JAKMIP2: variants seen among roughly 807,000 people sequenced by gnomAD.
The protein encoded by JAKMIP2 is janus kinase and microtubule interacting protein 2.
In JAKMIP2, 25 loss-of-function variants were observed where a neutral mutation model predicts 115.0. The observed-to-expected ratio is 0.22, with a 90% CI of 0.16 to 0.30. The LOEUF is 0.30. Among genes scored for constraint, JAKMIP2 ranks in the 10% least tolerant of loss-of-function variants. The pLI is 1.00. For synonymous variants in JAKMIP2, 334 were observed against 343.6 expected (o/e 0.97, Z 0.31); for missense variants, 642 against 957.6 (o/e 0.67, Z 4.35).
At position 147,644,160 on chromosome 5, in the gene JAKMIP2, T is replaced by G; in HGVS notation, c.1122A>C (p.Leu374Phe). Residue 374 changes from leucine to phenylalanine, a missense_variant, in exon 7 of 22, where the codon TTA (leucine) becomes TTC (phenylalanine). Transcript: ENST00000616793. Reference sequence around the variant, plus strand: ...CTTGGTCGAGGTCATTCAGAGATTTTAATTTCTTCAGGGGTGGATGGGATG... The same window carrying G: ...CTTGGTCGAGGTCATTCAGAGATTTGAATTTCTTCAGGGGTGGATGGGATG... ...KITSHPPLKK[L>F]KSLNDLDQAN... The G allele has an allele frequency of 6.2e-7, 1 of 1,604,826 alleles. No individual in the cohort carries two copies. Among genetic ancestry groups the G allele is most frequent in the Admixed American group, 1.7e-5 (1 of 59,886 alleles).
At chr5:147,655,206 C>T (rs1033232276) in intron 3 of JAKMIP2, among the ~76,000 whole-genome samples, 10 of 152,262 alleles carry the variant, frequency 6.6e-5, no homozygotes, top group Non-Finnish European at 1.3e-4. Context: ...CAGGATGATG[C>T]TGGCCCCATA....
At chr5:147,758,861 T>C (rs1434649993) in intron 1 of JAKMIP2, among the ~76,000 whole-genome samples, 1 of 152,162 alleles carries the variant, frequency 6.6e-6, no homozygotes, top group African/African-American at 2.4e-5. Flanking sequence ...ATGCAATTTA[T>C]TGAACTATGT....
intron 21 of JAKMIP2, among the ~76,000 whole-genome samples, chr5:147,601,292 A>T (rs1466759838): frequency 6.6e-6 from 1 of 152,174 alleles, no homozygotes. Context: ...TTTGTATTTT[A>T]AAAATATAGC....
intron 1 of JAKMIP2, among the ~76,000 whole-genome samples, chr5:147,736,984 G>C (rs79369491): frequency 0.013 from 1,905 of 152,146 alleles, 51 homozygotes; most frequent in African/African-American, 0.044. Context: ...TTACTGTAGG[G>C]CTGACTATCT....
intron 1 of JAKMIP2, among the ~76,000 whole-genome samples, chr5:147,736,457 C>G (rs2126982842): frequency 6.6e-6 from 1 of 152,052 alleles, no homozygotes; most frequent in South Asian, 2.1e-4. Context: ...GACTCTATCT[C>G]AAAAAATAAA....
At chr5:147,653,633 T>A (rs1162531981) in intron 3 of JAKMIP2, among the ~76,000 whole-genome samples, 1 of 152,186 alleles carries the variant, frequency 6.6e-6, no homozygotes, top group Non-Finnish European at 1.5e-5. Context: ...AAGGGTAGAT[T>A]GCAAAATTTT....
chr5:147,716,052 A>T (rs529135119), intron 1 of JAKMIP2, among the ~76,000 whole-genome samples: 17 of 137,088 alleles, frequency 1.2e-4, no homozygotes, highest in African/African-American at 4.5e-4. Context: ...TGTCCATGTG[A>T]TCTCATTGTT....
intron 19 of JAKMIP2, among the ~76,000 whole-genome samples, chr5:147,617,255 C>T (rs1434775818): frequency 1.3e-5 from 2 of 152,142 alleles, no homozygotes; most frequent in East Asian, 3.9e-4. Context: ...TTCAGCAGAC[C>T]TAGGCTGTCA....
intron 17 of JAKMIP2, among the ~76,000 whole-genome samples, chr5:147,622,445 C>T (rs1025156349): frequency 1.3e-5 from 2 of 152,178 alleles, no homozygotes; most frequent in Admixed American, 6.5e-5. Flanking sequence ...CAACCACAGT[C>T]TACTGTCTGT....
At chr5:147,770,882 A>G (rs1755325798) in intron 1 of JAKMIP2, among the ~76,000 whole-genome samples, 2 of 152,160 alleles carry the variant, frequency 1.3e-5, no homozygotes, top group Admixed American at 1.3e-4. Flanking sequence ...CTGTAGAAAT[A>G]CACAGAACTC....
At chr5:147,744,527 C>G (rs1229831658) in intron 1 of JAKMIP2, among the ~76,000 whole-genome samples, 1 of 152,124 alleles carries the variant, frequency 6.6e-6, no homozygotes, top group Non-Finnish European at 1.5e-5. Flanking sequence ...ATATTTTAAA[C>G]CTATTAAACC....
chr5:147,739,598 T>C (rs1199586505), intron 1 of JAKMIP2, among the ~76,000 whole-genome samples: 1 of 152,076 alleles, frequency 6.6e-6, no homozygotes, highest in Non-Finnish European at 1.5e-5. Context: ...GCTTTGAACT[T>C]ATTTTTCAGT....
chr5:147,676,362 T>C (rs919414619), intron 1 of JAKMIP2, among the ~76,000 whole-genome samples: 3 of 152,040 alleles, frequency 2.0e-5, no homozygotes, highest in African/African-American at 7.2e-5. Context: ...TAAAAGAGCG[T>C]GCCTGAAGGT....
rs1285646286 is a variant in JAKMIP2 at position 147,731,658 on chromosome 5, T to C, written c.-149+50798A>G. Reference sequence around the variant, plus strand: ...TTATTTTCCTTTAAATTAATCGTCATGTTTACCCAGGAAGACCTTTGGATT... The same window carrying C: ...TTATTTTCCTTTAAATTAATCGTCACGTTTACCCAGGAAGACCTTTGGATT... On this transcript the variant is annotated intron_variant, in intron 1 of 21. Coordinates refer to ENST00000616793, the MANE Select transcript of JAKMIP2 (RefSeq NM_001270941.2). Among the ~76,000 whole-genome samples the C allele has an allele frequency of 2.0e-5, 3 of 152,236 alleles. No individual in the cohort carries two copies. The East Asian group carries it at 5.8e-4, about 29-fold the overall frequency.
chr5:147,692,180 T>C (rs1751891169), intron 1 of JAKMIP2, among the ~76,000 whole-genome samples: 1 of 152,180 alleles, frequency 6.6e-6, no homozygotes, highest in Non-Finnish European at 1.5e-5. Context: ...AACATACAGA[T>C]ATATCCAGGG....
At chr5:147,605,415 T>C (rs1415541807) in intron 20 of JAKMIP2, among the ~76,000 whole-genome samples, 1 of 151,976 alleles carries the variant, frequency 6.6e-6, no homozygotes, top group Non-Finnish European at 1.5e-5. Context: ...TTCACCGTGT[T>C]AACTAGGATG....
At chr5:147,636,877 C>T in intron 11 of JAKMIP2, 88 bp downstream of exon 11, 2 of 832,588 alleles carry the variant, frequency 2.4e-6, no homozygotes, top group South Asian at 1.3e-5. Flanking sequence ...CAAGCTGTGT[C>T]CTGGGTGCGG....
At chr5:147,662,152 C>G (rs1378446555) in intron 2 of JAKMIP2, 1 of 126,124 alleles carries the variant, frequency 7.9e-6, no homozygotes, top group Non-Finnish European at 1.5e-5. Flanking sequence ...TAGTTTCATC[C>G]CCAAGTTTTA....
chr5:147,628,635 G>T, intron 16 of JAKMIP2, 116 bp downstream of exon 16: 1 of 675,790 alleles, frequency 1.5e-6, no homozygotes. Flanking sequence ...AATAAAATGT[G>T]TATTAGGTAT....
Sources: allele counts gnomAD v4.1 joint callset (sites outside exome capture counted in the v4.1 genomes callset), GRCh38; gene constraint gnomAD v4.1.1; transcripts MANE v1.5; gene names NCBI Gene and HGNC (gene_info 2026-07-23, HGNC 2026-07-21).